CENPW: variants seen among roughly 807,000 people sequenced by gnomAD.
CENPW encodes cancer-up-regulated gene 2 protein.
Under a neutral mutation model 11.1 loss-of-function variants are expected in CENPW, and 3 were observed. The ratio of observed to expected loss-of-function variants is 0.27; its 90% CI spans 0.12 to 0.70. The LOEUF (loss-of-function observed/expected upper bound fraction) is 0.70. Among genes scored for constraint, CENPW ranks in the 30% least tolerant of loss-of-function variants. The pLI is 0.77. For synonymous variants in CENPW, 38 were observed against 42.0 expected, an observed-to-expected ratio of 0.91 and a Z score of 0.37; for missense variants, 100 against 105.6, an observed-to-expected ratio of 0.95 and a Z score of 0.23.
chr6:126,346,879 C>G (rs1389724228), intron 2 of CENPW, among the ~76,000 whole-genome samples: 1 of 152,066 alleles, frequency 6.6e-6, no homozygotes, highest in Non-Finnish European at 1.5e-5. Flanking sequence ...TTTGTTTTGG[C>G]AGAGGTTGCA....
At chr6:126,463,609 C>T in the CENPW span, among the ~76,000 whole-genome samples, 12 of 151,666 alleles carry the variant, frequency 7.9e-5, no homozygotes, top group Admixed American at 1.3e-4. Context: ...ACTAATATCA[C>T]GAAAAAGAGA....
At chr6:126,393,084 T>C in the CENPW span, among the ~76,000 whole-genome samples, 5 of 151,894 alleles carry the variant, frequency 3.3e-5, no homozygotes, top group African/African-American at 1.2e-4. Context: ...TGGTATATTG[T>C]TGCTTATAGT....
chr6:126,394,387 T>C, the CENPW span, among the ~76,000 whole-genome samples: 3 of 152,102 alleles, frequency 2.0e-5, no homozygotes, highest in African/African-American at 4.8e-5. Flanking sequence ...TTTACACTGA[T>C]TTCATAAACA....
chr6:126,405,417 A>G, the CENPW span, among the ~76,000 whole-genome samples: 1 of 152,020 alleles, frequency 6.6e-6, no homozygotes, highest in Non-Finnish European at 1.5e-5. Context: ...GTTTTGTGGT[A>G]TATTTTGAAG....
At chr6:126,447,862 T>C in the CENPW span, among the ~76,000 whole-genome samples, 3 of 151,254 alleles carry the variant, frequency 2.0e-5, no homozygotes, top group Admixed American at 2.0e-4. Flanking sequence ...CCTGTTCCTA[T>C]GTGTTTACAA....
the CENPW span, among the ~76,000 whole-genome samples, chr6:126,440,419 A>G: frequency 1.3e-5 from 2 of 151,674 alleles, no homozygotes; most frequent in African/African-American, 4.8e-5. Context: ...TTTGTTAAAA[A>G]GTAATTTAGT....
chr6:126,351,299 C>T (rs1780488350), downstream of CENPW, among the ~76,000 whole-genome samples: 1 of 151,912 alleles, frequency 6.6e-6, no homozygotes. Flanking sequence ...ACCCAAAAGC[C>T]TCCTTTTGGG....
chr6:126,466,445 T>C, the CENPW span, among the ~76,000 whole-genome samples: 1 of 152,134 alleles, frequency 6.6e-6, no homozygotes, highest in East Asian at 1.9e-4. Context: ...AAATTTATGC[T>C]GAATAGTGGA....
chr6:126,372,617 G>T, the CENPW span, among the ~76,000 whole-genome samples: 3 of 152,068 alleles, frequency 2.0e-5, no homozygotes, highest in South Asian at 4.1e-4. Flanking sequence ...ACAGCTAAAG[G>T]TAATTAGCCC....
the CENPW span, among the ~76,000 whole-genome samples, chr6:126,434,070 T>C: frequency 1.3e-5 from 2 of 152,146 alleles, no homozygotes; most frequent in Admixed American, 1.3e-4. Flanking sequence ...AGGCAAGCAC[T>C]TGTAGAAGCA....
In CENPW at chr6:126,346,350, A is replaced by G. The variant is rs201018236; in HGVS notation, c.240+32A>G. The G allele has an allele frequency of 1.6e-4, 219 of 1,367,012 alleles. No individual in the cohort carries two copies. The African/African-American group carries it at 2.9e-3, about 18-fold the overall frequency. 84.7% of individuals were successfully genotyped at this position (1,367,012 alleles called of 1,614,324 possible). ...TCCAAATTTCTTTTCTCGAGCAAGA[A>G]TTAAACTTCAAAAATAACACTCGGT... is the stretch of plus-strand genomic sequence containing the variant. On this transcript the variant is annotated intron_variant, in intron 2 of 2. Coordinates refer to ENST00000368328, the MANE Select transcript of CENPW (RefSeq NM_001012507.4).
the CENPW span, among the ~76,000 whole-genome samples, chr6:126,409,166 T>C: frequency 6.6e-6 from 1 of 152,158 alleles, no homozygotes; most frequent in Non-Finnish European, 1.5e-5. Flanking sequence ...AATTTCCTAA[T>C]TAATTTCTTC....
the CENPW span, among the ~76,000 whole-genome samples, chr6:126,366,787 C>T: frequency 8.5e-5 from 13 of 152,146 alleles, no homozygotes; most frequent in East Asian, 9.7e-4. Flanking sequence ...TGATAAAGAA[C>T]GGAGATTTAT....
downstream of CENPW, among the ~76,000 whole-genome samples, chr6:126,350,740 G>A (rs1038725787): frequency 5.3e-5 from 8 of 152,034 alleles, no homozygotes; most frequent in Admixed American, 6.6e-5. Flanking sequence ...GCATAATATA[G>A]TAATACATAT....
chr6:126,392,187 C>T, the CENPW span, among the ~76,000 whole-genome samples: 2 of 151,816 alleles, frequency 1.3e-5, no homozygotes, highest in East Asian at 1.9e-4. Flanking sequence ...AAACCTTTCA[C>T]TTTGGTTAAA....
chr6:126,385,997 G>A, the CENPW span, among the ~76,000 whole-genome samples: 1 of 152,196 alleles, frequency 6.6e-6, no homozygotes, highest in East Asian at 1.9e-4. Flanking sequence ...AGTTGGTAAT[G>A]CCTAAAATTC....
chr6:126,443,581 A>G, the CENPW span, among the ~76,000 whole-genome samples: 7 of 151,298 alleles, frequency 4.6e-5, no homozygotes, highest in Non-Finnish European at 8.9e-5. Context: ...TTCATTTATT[A>G]TCTAACAACT....
chr6:126,466,818 A>G, the CENPW span, among the ~76,000 whole-genome samples: 335 of 152,290 alleles, frequency 2.2e-3, 1 homozygote, highest in Non-Finnish European at 2.3e-3. Context: ...ATGTACAAAA[A>G]TCACTAGCAT....
chr6:126,371,729 T>C, the CENPW span, among the ~76,000 whole-genome samples: 5 of 152,112 alleles, frequency 3.3e-5, no homozygotes, highest in Non-Finnish European at 7.4e-5. Flanking sequence ...TTTGTTGGTA[T>C]TTTTAAAATT....
Sources: allele counts gnomAD v4.1 joint callset (sites outside exome capture counted in the v4.1 genomes callset), GRCh38; gene constraint gnomAD v4.1.1; transcripts MANE v1.5; gene names NCBI Gene and HGNC (gene_info 2026-07-23, HGNC 2026-07-21).